Variants in RAD52 observed in about 807,000 individuals in gnomAD.
RAD52 encodes RAD52 DNA repair protein.
RAD52 carries 47 observed loss-of-function variants against 55.5 expected under a neutral mutation model. That is an observed-to-expected ratio of 0.85 (90% CI 0.67 to 1.08). The LOEUF (loss-of-function observed/expected upper bound fraction) is 1.08. RAD52 is among the 50% of genes least tolerant of loss of function. The pLI, the probability that RAD52 is intolerant of heterozygous loss-of-function variation, is 0.00. For missense variants in RAD52, 468 were observed against 522.8 expected (o/e 0.90, Z 1.02); for synonymous variants, 184 against 198.9 (o/e 0.92, Z 0.63).
chr12:929,718 TGGA>T, intron 5 of RAD52, 98 bp downstream of exon 5: 2 of 1,129,866 alleles, frequency 1.8e-6, no homozygotes, highest in South Asian at 2.5e-5. Flanking sequence ...GACACAACTC[TGGA>T]GCCTGGGTCC....
chr12:978,925 G>A (rs990443116), intron 1 of RAD52, among the ~76,000 whole-genome samples: 11 of 151,996 alleles, frequency 7.2e-5, no homozygotes, highest in African/African-American at 1.9e-4. Context: ...TAGACAGACA[G>A]ACAGATAGAT....
intron 1 of RAD52, among the ~76,000 whole-genome samples, chr12:958,325 C>T (rs1347868411): frequency 2.0e-5 from 3 of 152,218 alleles, no homozygotes; most frequent in African/African-American, 7.2e-5. Flanking sequence ...AAGCCATTCT[C>T]CTGCCTCAGC....
At chr12:919,476 T>C (rs1025115802) in intron 7 of RAD52, among the ~76,000 whole-genome samples, 2 of 151,986 alleles carry the variant, frequency 1.3e-5, no homozygotes, top group Non-Finnish European at 2.9e-5. Context: ...CCAGGCTCAG[T>C]GGCTCACACC....
chr12:920,299 A>G (rs10849586), intron 7 of RAD52, among the ~76,000 whole-genome samples: 3 of 117,612 alleles, frequency 2.6e-5, no homozygotes, highest in Non-Finnish European at 5.4e-5. Flanking sequence ...GCTCACACCT[A>G]TAATCCCAGC....
intron 9 of RAD52, among the ~76,000 whole-genome samples, chr12:914,758 GTTTC>G (rs1428642714): frequency 1.3e-5 from 2 of 152,226 alleles, no homozygotes; most frequent in African/African-American, 2.4e-5. Context: ...GGAAAAACAA[GTTTC>G]TTTCTCCTTT....
intron 1 of RAD52, among the ~76,000 whole-genome samples, chr12:943,628 C>T (rs1217061628): frequency 2.0e-5 from 3 of 152,218 alleles, no homozygotes; most frequent in African/African-American, 7.2e-5. Flanking sequence ...GGATTACAGA[C>T]GTGAGCCACC....
At chr12:948,886 A>G (rs1275398502) in intron 1 of RAD52, among the ~76,000 whole-genome samples, 1 of 151,620 alleles carries the variant, frequency 6.6e-6, no homozygotes, top group Non-Finnish European at 1.5e-5. Flanking sequence ...TTTAGTAGAG[A>G]CGGGGTTTCG....
chr12:955,506 C>G (rs1958593353), intron 1 of RAD52, among the ~76,000 whole-genome samples: 1 of 151,294 alleles, frequency 6.6e-6, no homozygotes, highest in Non-Finnish European at 1.5e-5. Flanking sequence ...CGGAGTCTCA[C>G]TCTGTCGCCC....
At chr12:984,821 T>C (rs889610800) in intron 1 of RAD52, among the ~76,000 whole-genome samples, 2 of 152,164 alleles carry the variant, frequency 1.3e-5, no homozygotes, top group Non-Finnish European at 2.9e-5. Flanking sequence ...CCCGCCACCA[T>C]GCCCGGCTAA....
intron 1 of RAD52, among the ~76,000 whole-genome samples, chr12:988,843 A>ACACCTCCCATCAGGACC (rs1274933554): frequency 2.0e-5 from 3 of 151,070 alleles, no homozygotes; most frequent in Non-Finnish European, 4.4e-5. Flanking sequence ...CATGACCCAA[A>ACACCTCCCATCAGGACC]CACCTCCCAT....
intron 10 of RAD52, 62 bp downstream of exon 10, chr12:914,369 G>T (rs1333157382): frequency 9.4e-6 from 15 of 1,596,412 alleles, no homozygotes; most frequent in Admixed American, 1.8e-5. Context: ...TCGCCTAAAA[G>T]GTATTCTGTG....
upstream of RAD52, among the ~76,000 whole-genome samples, chr12:951,532 ACT>A (rs1288962074): frequency 6.6e-6 from 1 of 151,734 alleles, no homozygotes; most frequent in Admixed American, 6.6e-5. Flanking sequence ...ATTTTCTCTC[ACT>A]CTGTTGTTTT....
At chr12:917,127 A>G (rs987499528) in intron 7 of RAD52, among the ~76,000 whole-genome samples, 1 of 152,188 alleles carries the variant, frequency 6.6e-6, no homozygotes, top group Non-Finnish European at 1.5e-5. Flanking sequence ...TTCCACGGAA[A>G]TGAGCACACA....
chr12:920,653 A>G (rs976843126), intron 7 of RAD52, among the ~76,000 whole-genome samples: 2 of 152,212 alleles, frequency 1.3e-5, no homozygotes, highest in African/African-American at 4.8e-5. Flanking sequence ...ATATGAAGCA[A>G]ACTTTGAGAG....
At chr12:929,613 G>C (rs932550719) in intron 5 of RAD52, 2 of 768,540 alleles carry the variant, frequency 2.6e-6, no homozygotes, top group African/African-American at 3.4e-5. Context: ...TTAGGTGTCA[G>C]CTTGAACATG....
In RAD52 at chr12:925,151, C is replaced by T. The variant is rs569813771; in HGVS notation, c.543+299G>A. On this transcript the variant is annotated intron_variant, in intron 7 of 11. Transcript: ENST00000358495. ...ATTTTTAGTAGAGACAGGGTTTCAC[C>T]GTGTTAGCCAGGATGGTCTCGATCT... is the stretch of plus-strand genomic sequence containing the variant. Among the ~76,000 whole-genome samples the T allele has an allele frequency of 4.6e-5, 7 of 152,116 alleles. 1 individual carries two copies. The highest frequency in any genetic ancestry group is 1.2e-4 in the African/African-American group (5 of 41,482).
intron 1 of RAD52, among the ~76,000 whole-genome samples, chr12:983,644 T>A (rs796153260): frequency 5.2e-4 from 79 of 152,264 alleles, no homozygotes; most frequent in Middle Eastern, 3.4e-3. Context: ...GGTCTCCAAC[T>A]CCTGACCTCA....
chr12:960,592 A>G (rs926737721), intron 1 of RAD52, among the ~76,000 whole-genome samples: 4 of 152,172 alleles, frequency 2.6e-5, no homozygotes, highest in Non-Finnish European at 5.9e-5. Flanking sequence ...CCTTCTGAGT[A>G]GCTGGGACTA....
chr12:973,782 CT>C (rs750425355), intron 1 of RAD52, among the ~76,000 whole-genome samples: 303 of 113,484 alleles, frequency 2.7e-3, no homozygotes, highest in Non-Finnish European at 2.6e-3. Flanking sequence ...CCCAGTCCTT[CT>C]TTTTTTTTTT....
Sources: gnomAD v4.1 joint callset for allele counts (sites outside exome capture counted in the v4.1 genomes callset) on GRCh38, gnomAD v4.1.1 for gene constraint, MANE v1.5 for transcripts, NCBI Gene and HGNC (gene_info 2026-07-23, HGNC 2026-07-21) for gene names.